The following NAV2 variants were observed in gnomAD, a reference collection of about 807,000 sequenced individuals.
The protein encoded by NAV2 is helicase, APC down-regulated 1.
In NAV2, 54 loss-of-function variants were observed where a neutral mutation model predicts 223.2. The ratio of observed to expected loss-of-function variants is 0.24; its 90% confidence interval spans 0.19 to 0.30. NAV2 has a LOEUF of 0.30. Among genes scored for constraint, NAV2 ranks in the 10% least tolerant of loss-of-function variants. NAV2 has a pLI of 1.00. For missense variants in NAV2, 2,806 were observed against 3,147.5 expected (o/e 0.89, Z 2.60); for synonymous variants, 1,279 against 1,239.3 (o/e 1.03, Z -0.67).
chr11:20,026,552 C>T (rs1045370312), intron 11 of NAV2, among the ~76,000 whole-genome samples: 6 of 152,136 alleles, frequency 3.9e-5, no homozygotes, highest in Admixed American at 3.3e-4. Flanking sequence ...CCTCGTGATC[C>T]ACCCGCCTCG....
In NAV2 at chr11:19,680,814, G is replaced by C. The variant is rs2048861236; in HGVS notation, c.76-151670G>C. 1.3e-5 allele frequency among the ~76,000 whole-genome samples: 2 copies of C among 152,220 alleles called. 1 individual carries two copies. On this transcript the variant is annotated intron_variant, in intron 1 of 37. Coordinates refer to the NAV2 transcript ENST00000360655. Reference sequence around the variant, plus strand: ...AAACACGGCTCTTCTGCTCAGGAATGAGCTCACGTGAGAGAACGGTAGGGG... The same window carrying C: ...AAACACGGCTCTTCTGCTCAGGAATCAGCTCACGTGAGAGAACGGTAGGGG...
chr11:19,845,006 G>A (rs181501905), intron 3 of NAV2, among the ~76,000 whole-genome samples: 30 of 152,232 alleles, frequency 2.0e-4, no homozygotes, highest in Non-Finnish European at 3.1e-4. Context: ...TATTCTGTAG[G>A]AAATGAATAG....
intron 1 of NAV2, chr11:19,714,169 A>G (rs972399304): frequency 2.0e-5 from 15 of 740,742 alleles, no homozygotes; most frequent in Non-Finnish European, 2.8e-5. Context: ...GGTTTGCCTT[A>G]AGAGCTCTTC....
intron 1 of NAV2, among the ~76,000 whole-genome samples, chr11:19,545,475 G>A (rs954519946): frequency 6.6e-6 from 1 of 152,162 alleles, no homozygotes; most frequent in Non-Finnish European, 1.5e-5. Flanking sequence ...GTCCCTTTGA[G>A]GTGGAAAGCT....
chr11:20,082,485 A>G (rs2060151877), intron 25 of NAV2: 2 of 1,060,068 alleles, frequency 1.9e-6, no homozygotes, highest in African/African-American at 1.6e-5. Flanking sequence ...ATTATTAGCC[A>G]TGTTGTGTCT....
intron 4 of NAV2, among the ~76,000 whole-genome samples, chr11:19,876,436 C>G (rs1291128171): frequency 3.9e-5 from 6 of 152,126 alleles, no homozygotes; most frequent in Non-Finnish European, 8.8e-5. Context: ...GAGATTGAAT[C>G]CTGTAAAATC....
At chr11:19,737,115 G>A (rs772819459) in intron 1 of NAV2, among the ~76,000 whole-genome samples, 1 of 152,218 alleles carries the variant, frequency 6.6e-6, no homozygotes, top group East Asian at 1.9e-4. Context: ...ACATCTGGTT[G>A]ACACCATAAG....
At position 19,872,419 on chromosome 11, in the gene NAV2, C is replaced by T. The variant is rs553283419; in HGVS notation, c.511+3422C>T. Among the ~76,000 whole-genome samples, 3 of 152,396 alleles carry T rather than the reference C, an allele frequency of 2.0e-5. No homozygotes were observed. In the South Asian group the frequency reaches 6.2e-4, roughly 32 times the overall value. On this transcript the variant is annotated intron_variant, in intron 4 of 37. Transcript: ENST00000349880. Reference sequence around the variant, plus strand: ...AGATCAGCAGTGGCTAAACTACCCACATCTGCTGATTCAAAGGCCTGGTGT... The same window carrying T: ...AGATCAGCAGTGGCTAAACTACCCATATCTGCTGATTCAAAGGCCTGGTGT...
chr11:20,062,508 C>G lies in NAV2; in HGVS notation c.4884+149C>G, dbSNP rs367882252. 49 of 643,064 alleles carry G rather than the reference C, an allele frequency of 7.6e-5. No homozygotes were observed. The African/African-American group carries it at 8.8e-4, about 12-fold the overall frequency. 39.8% of individuals were successfully genotyped at this position (643,064 alleles called of 1,614,324 possible). A position where few individuals can be genotyped will look rare whatever the true frequency, so the allele number is the denominator to read the frequency against. ...TAATTAGGGAACAAGATTTAAAATT[C>G]ACAAACAGCTATTAATTATATTATA... On this transcript the variant is annotated intron_variant, in intron 20 of 37. Coordinates refer to ENST00000349880, the MANE Select transcript of NAV2 (RefSeq NM_145117.5).
chr11:20,018,471 T>G (rs2153526991), intron 11 of NAV2, among the ~76,000 whole-genome samples: 1 of 152,210 alleles, frequency 6.6e-6, no homozygotes, highest in East Asian at 1.9e-4. Context: ...CTGGAAATTC[T>G]GTGTAAAATA....
At chr11:19,349,412 G>A (rs1026774509), upstream of NAV2, among the ~76,000 whole-genome samples, 2 of 152,110 alleles carry the variant, frequency 1.3e-5, no homozygotes, top group Admixed American at 1.3e-4. Flanking sequence ...TGAGCTGTGC[G>A]GAAGCCTTTT....
intron 11 of NAV2, chr11:20,027,541 C>T (rs1391657641): frequency 7.0e-6 from 6 of 859,424 alleles, no homozygotes; most frequent in African/African-American, 1.8e-5. Flanking sequence ...GACAGAGGGG[C>T]GGGGGCTGGC....
intron 1 of NAV2, among the ~76,000 whole-genome samples, chr11:19,593,718 A>G (rs1590632267): frequency 1.3e-5 from 2 of 148,804 alleles, no homozygotes; most frequent in Admixed American, 1.4e-4. Flanking sequence ...TGTTGCCACT[A>G]TTTTAATTTT....
At chr11:19,902,794 C>A (rs1429768217) in intron 6 of NAV2, among the ~76,000 whole-genome samples, 1 of 152,110 alleles carries the variant, frequency 6.6e-6, no homozygotes, top group African/African-American at 2.4e-5. Flanking sequence ...GTTTAAGGTC[C>A]GCTTTAAAAG....
Position 19,605,069 on chromosome 11 carries a change from T to G in NAV2, c.76-227415T>G, listed in dbSNP as rs112266182. ...AAAATGGACTAATACATTGGTTAAC[T>G]TACCCAAGGCCTCCAGTTGGTGAAT... On this transcript the variant is annotated intron_variant, in intron 1 of 37. Transcript: ENST00000360655. Among the ~76,000 whole-genome samples, 822 of 152,304 alleles carry G rather than the reference T, an allele frequency of 5.4e-3. 6 individuals are homozygous for G. The highest frequency in any genetic ancestry group is 0.019 in the African/African-American group (782 of 41,568).
chr11:19,986,513 G>T (rs543770727), intron 11 of NAV2, among the ~76,000 whole-genome samples: 35 of 152,126 alleles, frequency 2.3e-4, no homozygotes, highest in African/African-American at 8.4e-4. Context: ...CCAGCTACTC[G>T]GGAGAGGGAG....
chr11:19,490,418 C>G (rs1426600798), intron 1 of NAV2, among the ~76,000 whole-genome samples: 1 of 152,208 alleles, frequency 6.6e-6, no homozygotes, highest in Non-Finnish European at 1.5e-5. Flanking sequence ...ATTAAATAAG[C>G]TTATATAATA....
chr11:20,035,893 G>T, intron 11 of NAV2, 66 bp from the exon 12 acceptor site: 1 of 1,596,440 alleles, frequency 6.3e-7, no homozygotes, highest in South Asian at 1.1e-5. Flanking sequence ...TTGTCTGTCT[G>T]TGTCATCAGC....
rs1479325219 is a variant in NAV2 at position 20,095,809 on chromosome 11, TG to T, written c.6012+45del. 5 of 1,445,354 alleles carry T rather than the reference TG, an allele frequency of 3.5e-6. No individual in the cohort carries two copies. In the South Asian group the frequency reaches 4.6e-5, roughly 13 times the overall value. 89.5% of individuals were successfully genotyped at this position (1,445,354 alleles called of 1,614,324 possible). ...AACGGCTACAGCATACTACCTAACA[TG>T]GGCATCCGGGCCTGGGGAGGAAAAG... is the stretch of plus-strand genomic sequence containing the variant. On this transcript the variant is annotated intron_variant, in intron 30 of 37. Coordinates refer to ENST00000349880, the MANE Select transcript of NAV2 (RefSeq NM_145117.5).
Sources: gnomAD v4.1 joint callset for allele counts (sites outside exome capture counted in the v4.1 genomes callset) on GRCh38, gnomAD v4.1.1 for gene constraint, MANE v1.5 for transcripts, NCBI Gene and HGNC (gene_info 2026-07-23, HGNC 2026-07-21) for gene names.